TMEM33: variants seen among roughly 807,000 people sequenced by gnomAD.
The protein encoded by TMEM33 is transmembrane protein 33.
TMEM33 carries 16 observed loss-of-function variants against 29.7 expected under a neutral mutation model. That is an observed-to-expected ratio of 0.54 (90% CI 0.36 to 0.82). TMEM33 has a LOEUF of 0.82. TMEM33 is among the 40% of genes least tolerant of loss of function. The pLI is 0.00. For synonymous variants in TMEM33, 112 were observed against 109.4 expected (o/e 1.02, Z -0.15); for missense variants, 252 against 295.3 (o/e 0.85, Z 1.08).
At chr4:41,948,701 C>G (rs1282411662) in intron 5 of TMEM33, among the ~76,000 whole-genome samples, 2 of 152,032 alleles carry the variant, frequency 1.3e-5, no homozygotes, top group African/African-American at 2.4e-5. Flanking sequence ...TACTTCCTTA[C>G]AGTTCACATT....
At chr4:41,939,088 A>T (rs185314982) in intron 2 of TMEM33, 108 bp from the exon 3 acceptor site, 2 of 1,094,864 alleles carry the variant, frequency 1.8e-6, no homozygotes, top group South Asian at 3.8e-5. Context: ...ATTTTTTTCT[A>T]TTGACAAGTG....
intron 5 of TMEM33, among the ~76,000 whole-genome samples, chr4:41,945,710 C>T (rs533603542): frequency 1.2e-4 from 19 of 152,202 alleles, no homozygotes; most frequent in African/African-American, 3.9e-4. Context: ...GTGGCTCATG[C>T]CTGTAATCCC....
At chr4:41,949,140 A>G (rs955125765) in intron 5 of TMEM33, among the ~76,000 whole-genome samples, 162 bp from the exon 6 acceptor site, 5 of 152,166 alleles carry the variant, frequency 3.3e-5, no homozygotes, top group Admixed American at 1.3e-4. Flanking sequence ...ATTCTTTTAT[A>G]TCCTTTTTTA....
At chr4:41,939,438 C>A in intron 3 of TMEM33, 55 bp downstream of exon 3, 1 of 1,574,926 alleles carries the variant, frequency 6.3e-7, no homozygotes, top group Admixed American at 1.9e-5. Context: ...TATAGGAGAT[C>A]TCTTCTGATT....
rs557047717 is a variant in TMEM33, at chr4:41,958,203, G to A, written c.*4004G>A. 1 of 151,972 alleles carries A rather than the reference G, an allele frequency of 6.6e-6. No homozygotes were observed. Among genetic ancestry groups the A allele is most frequent in the Non-Finnish European group, 1.5e-5 (1 of 68,036 alleles). 9.4% of individuals were successfully genotyped at this position (151,972 alleles called of 1,614,324 possible). A position where few individuals can be genotyped will look rare whatever the true frequency, so the allele number is the denominator to read the frequency against. On this transcript the variant is annotated 3_prime_UTR_variant, in exon 7 of 7. Coordinates refer to ENST00000504986, the MANE Select transcript of TMEM33 (RefSeq NM_018126.3). ...TTTTTGTATTTTTAGTAGAGATGAG[G>A]TTTCACCATGTTGGCCAGGCTGGTC...
chr4:41,953,888 C>A, intron 6 of TMEM33, 182 bp from the exon 7 acceptor site: 1 of 682,164 alleles, frequency 1.5e-6, no homozygotes, highest in South Asian at 1.5e-5. Context: ...CAAAGTGTGA[C>A]GCAGAGACAT....
intron 3 of TMEM33, among the ~76,000 whole-genome samples, chr4:41,941,043 G>T (rs1712520225): frequency 6.6e-6 from 1 of 152,104 alleles, no homozygotes; most frequent in South Asian, 2.1e-4. Context: ...ATTTCTTTCT[G>T]TATGTGGGTA....
rs545676976 is a variant in TMEM33, at chr4:41,955,715, G to A, written c.*1516G>A. On this transcript the variant is annotated 3_prime_UTR_variant, in exon 7 of 7. Coordinates refer to ENST00000504986, the MANE Select transcript of TMEM33 (RefSeq NM_018126.3). ...AGCAGCCTCATACAGTTGATTTTGT[G>A]TATGTGGCTAGTCTTATTGTCACTA... 1 of 152,714 alleles carries A rather than the reference G, an allele frequency of 6.5e-6. No homozygotes were observed. The highest frequency in any genetic ancestry group is 2.1e-4 in the South Asian group (1 of 4,830). The allele number at this position is 152,714 out of a possible 1,614,324, so 9.5% of individuals were successfully genotyped here.
chr4:41,946,237 T>C (rs1316932164), intron 5 of TMEM33, among the ~76,000 whole-genome samples: 1 of 152,082 alleles, frequency 6.6e-6, no homozygotes. Flanking sequence ...AGAATTGATT[T>C]TGCTAGTACA....
At chr4:41,944,557 G>A (rs1000135817) in intron 4 of TMEM33, among the ~76,000 whole-genome samples, 2 of 152,124 alleles carry the variant, frequency 1.3e-5, no homozygotes, top group African/African-American at 4.8e-5. Context: ...AGAAAAAGCA[G>A]CTAAGAATGA....
Position 41,943,770 on chromosome 4 carries a change from T to C in TMEM33, c.352T>C (p.Phe118Leu). The C allele has an allele frequency of 5.0e-6, 8 of 1,613,988 alleles. No individual in the cohort carries two copies. Among genetic ancestry groups the C allele is most frequent in the South Asian group, 1.1e-5 (1 of 91,072 alleles). Residue 118 changes from phenylalanine (F) to leucine (L), a missense_variant, in exon 4 of 7, where the codon TTC becomes CTC. Physicochemically the swap from Phe to Leu is conservative, Grantham distance 22 (BLOSUM62 0). Transcript: ENST00000504986. ...AGTGAGTATCTTCCCAGTCTTGTTA[T>C]TCTCTTTGCTTCATGCTGCCACATA... Reference protein sequence around the residue: ...VTMSIFPVLLFSLLHAATYTK... With the variant: ...VTMSIFPVLLLSLLHAATYTK...
In TMEM33 at chr4:41,955,408, A is replaced by G. The variant is rs551762104; in HGVS notation, c.*1209A>G. ...ATCAACTCTTATAAAATTCATGCTGATCTTCATTACCGTTGCATGATTGGA... is the reference window on the plus strand; with the variant it reads ...ATCAACTCTTATAAAATTCATGCTGGTCTTCATTACCGTTGCATGATTGGA... On this transcript the variant is annotated 3_prime_UTR_variant, in exon 7 of 7. Transcript: ENST00000504986. 6.6e-6 allele frequency: 1 copy of G among 152,566 alleles called. No individual in the cohort carries two copies. The highest frequency in any genetic ancestry group is 2.4e-5 in the African/African-American group (1 of 41,562). 9.5% of individuals were successfully genotyped at this position (152,566 alleles called of 1,614,324 possible).
chr4:41,954,328 C>T lies in TMEM33; in HGVS notation c.*129C>T, dbSNP rs574005979. 2.0e-6 allele frequency: 2 copies of T among 976,750 alleles called. No individual in the cohort carries two copies. Among genetic ancestry groups the T allele is most frequent in the African/African-American group, 1.7e-5 (1 of 59,726 alleles). The allele number at this position is 976,750 out of a possible 1,614,324, so 60.5% of individuals were successfully genotyped here. A position where few individuals can be genotyped will look rare whatever the true frequency, so the allele number is the denominator to read the frequency against. On this transcript the variant is annotated 3_prime_UTR_variant, in exon 7 of 7. Transcript: ENST00000504986. The stretch of plus-strand genomic sequence containing the variant: ...TTACATAATTTACATAAATGCATCT[C>T]GGTGGAAAAATAATCATTTTCTTGG...
At chr4:41,946,145 T>G (rs534024190) in intron 5 of TMEM33, among the ~76,000 whole-genome samples, 1 of 151,652 alleles carries the variant, frequency 6.6e-6, no homozygotes, top group African/African-American at 2.4e-5. Context: ...GTTTCCAAAT[T>G]TTCAGTTTTC....
At chr4:41,948,953 C>T (rs192421673) in intron 5 of TMEM33, among the ~76,000 whole-genome samples, 40 of 151,946 alleles carry the variant, frequency 2.6e-4, no homozygotes, top group Non-Finnish European at 4.6e-4. Flanking sequence ...TAAAATAAGT[C>T]ACTTTTCATT....
intron 5 of TMEM33, among the ~76,000 whole-genome samples, chr4:41,948,898 G>A (rs571073527): frequency 8.2e-4 from 124 of 151,978 alleles, no homozygotes; most frequent in Non-Finnish European, 1.3e-3. Flanking sequence ...ATGAGCCAGT[G>A]TAATTTTTTT....
intron 3 of TMEM33, 152 bp from the exon 4 acceptor site, chr4:41,943,595 T>A: frequency 1.7e-6 from 1 of 582,522 alleles, no homozygotes; most frequent in Non-Finnish European, 3.0e-6. Context: ...TGAACAAAAT[T>A]TGATTTGGCT....
chr4:41,941,950 A>C (rs1202542736), intron 3 of TMEM33, among the ~76,000 whole-genome samples: 2 of 152,242 alleles, frequency 1.3e-5, no homozygotes, highest in Non-Finnish European at 2.9e-5. Flanking sequence ...TTTGTGAACT[A>C]TAGAATGTTA....
chr4:41,949,526 C>T (rs940917480), intron 6 of TMEM33, 141 bp downstream of exon 6: 2 of 653,894 alleles, frequency 3.1e-6, no homozygotes, highest in African/African-American at 3.8e-5. Flanking sequence ...AGTTCTAGGC[C>T]TTAGAATGTA....
Sources: allele counts gnomAD v4.1 joint callset (sites outside exome capture counted in the v4.1 genomes callset), GRCh38; gene constraint gnomAD v4.1.1; transcripts MANE v1.5; gene names NCBI Gene and HGNC (gene_info 2026-07-23, HGNC 2026-07-21).